The following ABCA10 variants were observed in gnomAD, a reference collection of about 807,000 sequenced individuals.
The protein encoded by ABCA10 is ATP-binding cassette sub-family A member 10.
In ABCA10, 169 loss-of-function variants were observed where a neutral mutation model predicts 187.5. The ratio of observed to expected loss-of-function variants is 0.90; its 90% CI spans 0.80 to 1.02. The LOEUF (loss-of-function observed/expected upper bound fraction) is 1.02, where lower values mean the gene tolerates loss of function less well. Ranked by LOEUF, ABCA10 falls within the 50% of genes least tolerant of loss-of-function variation. The pLI, the probability that ABCA10 is intolerant of heterozygous loss-of-function variation, is 0.00. For missense variants in ABCA10, 1,727 were observed against 1,812.4 expected (o/e 0.95, Z 0.86); for synonymous variants, 574 against 601.8 (o/e 0.95, Z 0.68).
At chr17:69,161,929 T>C (rs2074221327) in intron 27 of ABCA10, among the ~76,000 whole-genome samples, 1 of 152,142 alleles carries the variant, frequency 6.6e-6, no homozygotes, top group South Asian at 2.1e-4. Flanking sequence ...CAAGACAATG[T>C]TGAAAATAAG....
chr17:69,183,998 A>G (rs1376182492), intron 20 of ABCA10, among the ~76,000 whole-genome samples: 1 of 152,148 alleles, frequency 6.6e-6, no homozygotes, highest in Non-Finnish European at 1.5e-5. Flanking sequence ...CCTGCTCACC[A>G]GCTGCCTGGA....
rs1412045234 is a variant in ABCA10 at position 69,185,605 on chromosome 17, A to T, written c.2369T>A (p.Leu790Gln). The change falls in exon 20 of 39, where the codon CTA becomes CAA. Residue 790 changes from leucine (L) to glutamine (Q), a missense_variant. Coordinates refer to ENST00000690296, the MANE Select transcript of ABCA10 (RefSeq NM_001377321.1). ...AGTTACTTTATACATTATCTTCTCT[A>T]GAATGATGGGGATAAAAGCAATTCC... ...VLGIAFIPII[L>Q]EKIMYKVTRE... The T allele has an allele frequency of 1.9e-6, 3 of 1,612,222 alleles. No individual in the cohort carries two copies. In the African/African-American group the frequency reaches 4.0e-5, roughly 22 times the overall value.
intron 30 of ABCA10, 90 bp downstream of exon 30, chr17:69,154,929 C>G: frequency 1.2e-6 from 1 of 852,838 alleles, no homozygotes; most frequent in East Asian, 2.6e-5. Context: ...TATGAACAGT[C>G]TCAATGAATA....
At chr17:69,155,674 T>C (rs1376604069) in intron 29 of ABCA10, 131 bp downstream of exon 29, 3 of 1,203,892 alleles carry the variant, frequency 2.5e-6, no homozygotes, top group Non-Finnish European at 3.4e-6. Context: ...AGAGAATAAT[T>C]TGAATATAAG....
At chr17:69,234,658 G>A (rs998157391) in intron 1 of ABCA10, 1 of 152,182 alleles carries the variant, frequency 6.6e-6, no homozygotes, top group African/African-American at 2.4e-5. Context: ...GTTGTTATGG[G>A]GGGTGGCGGG....
chr17:69,154,429 T>C, intron 30 of ABCA10, 103 bp from the exon 31 acceptor site: 1 of 884,080 alleles, frequency 1.1e-6, no homozygotes, highest in East Asian at 2.6e-5. Flanking sequence ...ACTTTTTTTT[T>C]TTTTTTTTTT....
At position 69,190,420 on chromosome 17, in the gene ABCA10, G is replaced by A; in HGVS notation, c.2069C>T (p.Ser690Leu). 6.3e-7 allele frequency: 1 copy of A among 1,583,646 alleles called. No homozygotes were observed. The change falls in exon 18 of 39, where the codon TCA (serine) becomes TTA (leucine). Residue 690 changes from serine to leucine, a missense_variant. Coordinates refer to ENST00000690296, the MANE Select transcript of ABCA10 (RefSeq NM_001377321.1). ...SDQGIRNYAVSVTSLNEVFLN... is the reference protein window; with the variant it reads ...SDQGIRNYAVLVTSLNEVFLN... ...GAATACTTCATTCAGAGATGTCACT[G>A]AAACAGCATAATTCCTTATGCCCTG...
intron 9 of ABCA10, among the ~76,000 whole-genome samples, chr17:69,206,835 G>A (rs1277184649): frequency 6.6e-6 from 1 of 152,046 alleles, no homozygotes; most frequent in Non-Finnish European, 1.5e-5. Context: ...CGGGGGAGAG[G>A]GGAGCTTCAT....
chr17:69,169,609 C>T (rs1231338984), intron 25 of ABCA10, among the ~76,000 whole-genome samples: 1 of 152,072 alleles, frequency 6.6e-6, no homozygotes, highest in Non-Finnish European at 1.5e-5. Context: ...ATAAAGCTAC[C>T]ATAATTGAGA....
upstream of ABCA10, among the ~76,000 whole-genome samples, chr17:69,230,769 T>C (rs1044196563): frequency 1.3e-5 from 2 of 152,154 alleles, no homozygotes; most frequent in African/African-American, 4.8e-5. Flanking sequence ...AGCCAATTTT[T>C]TCTAAACTCA....
chr17:69,162,506 G>C (rs1414736251), intron 27 of ABCA10, among the ~76,000 whole-genome samples: 1 of 152,120 alleles, frequency 6.6e-6, no homozygotes, highest in Non-Finnish European at 1.5e-5. Context: ...TCTCCATCAT[G>C]GCAATGTTCC....
intron 1 of ABCA10, among the ~76,000 whole-genome samples, chr17:69,242,932 C>CA: frequency 6.6e-6 from 1 of 152,100 alleles, no homozygotes; most frequent in East Asian, 1.9e-4. Context: ...ACTTAAAGCT[C>CA]AAAAATCAAA....
intron 27 of ABCA10, among the ~76,000 whole-genome samples, chr17:69,159,421 A>G (rs989612269): frequency 2.0e-5 from 3 of 152,136 alleles, no homozygotes; most frequent in Non-Finnish European, 2.9e-5. Context: ...AATTTGTTTT[A>G]AAAAATATTC....
intron 6 of ABCA10, among the ~76,000 whole-genome samples, chr17:69,218,562 A>C (rs951983500): frequency 1.3e-5 from 2 of 152,108 alleles, no homozygotes; most frequent in African/African-American, 2.4e-5. Context: ...ATTGTATACT[A>C]TCTCAAAGTC....
In ABCA10 at chr17:69,148,665, T is replaced by G. The variant is rs2074106170; in HGVS notation, c.*162A>C. ...TACTACTTTTCCCTATATTTCCTTG[T>G]TTCCTTCATCCTAAATTTTTAAAAA... On this transcript the variant is annotated 3_prime_UTR_variant, in exon 39 of 39. Transcript: ENST00000690296. 1 of 639,430 alleles carries G rather than the reference T, an allele frequency of 1.6e-6. No homozygotes were observed. Among genetic ancestry groups the G allele is most frequent in the Non-Finnish European group, 2.6e-6 (1 of 387,658 alleles). 39.6% of individuals were successfully genotyped at this position (639,430 alleles called of 1,614,324 possible).
intron 1 of ABCA10, among the ~76,000 whole-genome samples, chr17:69,238,262 T>C (rs962820753): frequency 2.6e-5 from 4 of 151,988 alleles, no homozygotes; most frequent in Admixed American, 2.6e-4. Context: ...CCTGCTGACA[T>C]CTTGATTTTA....
rs2074473740 is a variant in ABCA10, at chr17:69,193,173, G to T, written c.1717C>A (p.His573Asn). 2 of 1,614,048 alleles carry T rather than the reference G, an allele frequency of 1.2e-6. No individual in the cohort carries two copies. Among genetic ancestry groups the T allele is most frequent in the African/African-American group, 1.3e-5 (1 of 75,034 alleles). ...RHRVWSLLKEHKVDRLILFST... is the reference protein window; with the variant it reads ...RHRVWSLLKENKVDRLILFST... ...AAGAGGATAAGTCGGTCTACTTTAT[G>T]CTCCTTCAGGAGGCTCCACACTCGG... Residue 573 changes from histidine to asparagine, a missense_variant, in exon 15 of 39, where the codon CAT becomes AAT. By Grantham distance (68) the His-to-Asn change is moderately conservative. Coordinates refer to ENST00000690296, the MANE Select transcript of ABCA10 (RefSeq NM_001377321.1).
At chr17:69,151,258 C>T (rs1183745530) in intron 36 of ABCA10, among the ~76,000 whole-genome samples, 2 of 152,166 alleles carry the variant, frequency 1.3e-5, no homozygotes, top group Non-Finnish European at 1.5e-5. Context: ...GTGTCTGTTA[C>T]TCCCACTCTT....
chr17:69,172,296 A>G (rs2074304149), intron 25 of ABCA10, among the ~76,000 whole-genome samples: 1 of 152,154 alleles, frequency 6.6e-6, no homozygotes, highest in Non-Finnish European at 1.5e-5. Context: ...AACCCCCAGT[A>G]GCTCAGAACA....
Sources: allele counts gnomAD v4.1 joint callset (sites outside exome capture counted in the v4.1 genomes callset), GRCh38; gene constraint gnomAD v4.1.1; transcripts MANE v1.5; gene names NCBI Gene and HGNC (gene_info 2026-07-23, HGNC 2026-07-21).